SPOPL: variants seen among roughly 807,000 people sequenced by gnomAD.
The protein encoded by SPOPL is speckle-type POZ protein-like.
SPOPL carries 23 observed loss-of-function variants against 53.8 expected under a neutral mutation model. The observed-to-expected ratio is 0.43, with a 90% CI of 0.31 to 0.61. The LOEUF is 0.61. SPOPL is among the 20% of genes least tolerant of loss of function. The pLI, the probability that SPOPL is intolerant of heterozygous loss-of-function variation, is 0.12. For missense variants in SPOPL, 442 were observed against 466.9 expected (o/e 0.95, Z 0.49); for synonymous variants, 164 against 149.7 (o/e 1.10, Z -0.70).
At chr2:138,542,779 T>C (rs1279420567) in intron 1 of SPOPL, among the ~76,000 whole-genome samples, 7 of 152,244 alleles carry the variant, frequency 4.6e-5, no homozygotes, top group Non-Finnish European at 1.0e-4. Flanking sequence ...CCTGTCATTA[T>C]GATGTTAGCT....
intron 1 of SPOPL, among the ~76,000 whole-genome samples, chr2:138,521,568 T>C (rs1397896303): frequency 6.6e-6 from 1 of 152,090 alleles, no homozygotes; most frequent in Non-Finnish European, 1.5e-5. Flanking sequence ...TTTTTTTGTG[T>C]GTGTGGGAGA....
intron 1 of SPOPL, among the ~76,000 whole-genome samples, chr2:138,527,345 TC>T (rs1254173078): frequency 6.6e-6 from 1 of 152,178 alleles, no homozygotes; most frequent in African/African-American, 2.4e-5. Flanking sequence ...ACCTGTCAGA[TC>T]AATACTGGAC....
intron 1 of SPOPL, among the ~76,000 whole-genome samples, chr2:138,524,140 C>A (rs1241475388): frequency 6.6e-6 from 1 of 152,202 alleles, no homozygotes; most frequent in Non-Finnish European, 1.5e-5. Flanking sequence ...AACTTCAATT[C>A]TTGACTTCTG....
intron 10 of SPOPL, 152 bp from the exon 11 acceptor site, chr2:138,568,784 A>G (rs1276251229): frequency 1.2e-6 from 1 of 812,228 alleles, no homozygotes; most frequent in African/African-American, 1.8e-5. Flanking sequence ...CAGTAAGATA[A>G]AGATGGTATT....
chr2:138,548,244 T>A (rs1685240903), intron 1 of SPOPL, among the ~76,000 whole-genome samples: 1 of 150,516 alleles, frequency 6.6e-6, no homozygotes, highest in Non-Finnish European at 1.5e-5. Context: ...GTAAACTTTT[T>A]TTTTTTTTTT....
chr2:138,510,958 C>G (rs957830808), intron 1 of SPOPL, among the ~76,000 whole-genome samples: 1 of 151,998 alleles, frequency 6.6e-6, no homozygotes, highest in Non-Finnish European at 1.5e-5. Flanking sequence ...CAGTTTAAAC[C>G]TTTACTAACT....
chr2:138,513,820 T>C (rs1684381189), intron 1 of SPOPL, among the ~76,000 whole-genome samples: 1 of 151,888 alleles, frequency 6.6e-6, no homozygotes, highest in Non-Finnish European at 1.5e-5. Flanking sequence ...ATTTTTAATG[T>C]AAAAAAATTA....
At chr2:138,504,157 C>G (rs1684164819) in intron 1 of SPOPL, among the ~76,000 whole-genome samples, 1 of 152,182 alleles carries the variant, frequency 6.6e-6, no homozygotes, top group African/African-American at 2.4e-5. Context: ...AAAATATGTA[C>G]ATATGTAACT....
intron 5 of SPOPL, among the ~76,000 whole-genome samples, chr2:138,556,685 CTT>C (rs1358355886): frequency 6.6e-6 from 1 of 152,120 alleles, no homozygotes; most frequent in African/African-American, 2.4e-5. Flanking sequence ...TGATTAAAAA[CTT>C]GATAAGATAG....
At chr2:138,538,868 A>G (rs1684996724) in intron 1 of SPOPL, among the ~76,000 whole-genome samples, 2 of 152,016 alleles carry the variant, frequency 1.3e-5, no homozygotes, top group Non-Finnish European at 2.9e-5. Context: ...ATTTAACATT[A>G]GGAATATCTC....
At chr2:138,553,405 A>G (rs1047214207) in intron 5 of SPOPL, among the ~76,000 whole-genome samples, 17 of 152,140 alleles carry the variant, frequency 1.1e-4, no homozygotes, top group Admixed American at 7.2e-4. Context: ...TAACCTGTAC[A>G]GTTTATAGAG....
intron 1 of SPOPL, among the ~76,000 whole-genome samples, chr2:138,503,964 A>C (rs1684160974): frequency 6.6e-6 from 1 of 152,220 alleles, no homozygotes; most frequent in South Asian, 2.1e-4. Flanking sequence ...TGGTGTTTAC[A>C]GAATTTTACT....
intron 1 of SPOPL, among the ~76,000 whole-genome samples, chr2:138,522,354 G>A (rs1684577565): frequency 6.6e-6 from 1 of 152,178 alleles, no homozygotes; most frequent in Middle Eastern, 3.4e-3. Flanking sequence ...TTTTGCTTGG[G>A]GCAGAGAGCT....
Position 138,552,537 on chromosome 2 carries a change from A to AT in SPOPL, c.353-15dup. The AT allele has an allele frequency of 6.3e-7, 1 of 1,597,946 alleles. No individual in the cohort carries two copies. The highest frequency in any genetic ancestry group is 8.5e-7 in the Non-Finnish European group (1 of 1,175,118). On this transcript the variant is annotated splice_polypyrimidine_tract_variant and intron_variant, in intron 4 of 10. Coordinates refer to ENST00000280098, the MANE Select transcript of SPOPL (RefSeq NM_001001664.3). The stretch of plus-strand genomic sequence containing the variant: ...TGGATATTTATTTTATTTAAACTCT[A>AT]TTCTGTTTTCCACCAGAAAGCCAAA...
chr2:138,520,468 T>C (rs1344775144), intron 1 of SPOPL, among the ~76,000 whole-genome samples: 4 of 152,222 alleles, frequency 2.6e-5, no homozygotes, highest in Non-Finnish European at 4.4e-5. Context: ...GTTTCAGCTA[T>C]TTGTAATTTT....
rs796816511 is a variant in SPOPL at position 138,504,154 on chromosome 2, G to A, written c.-61+2035G>A. Among the ~76,000 whole-genome samples the A allele has an allele frequency of 3.9e-5, 6 of 152,274 alleles. No homozygotes were observed. In the South Asian group the frequency reaches 8.3e-4, roughly 21 times the overall value. The stretch of plus-strand genomic sequence containing the variant: ...CTGTCCTAATTACATGTAAAAATAT[G>A]TACATATGTAACTATCAAAATAAAA... On this transcript the variant is annotated intron_variant, in intron 1 of 10. Transcript: ENST00000280098.
rs1212001997 is a variant in SPOPL, at chr2:138,557,786, TTTTC to T, written c.481-1232_481-1229del. On this transcript the variant is annotated intron_variant, in intron 5 of 10. Coordinates refer to ENST00000280098, the MANE Select transcript of SPOPL (RefSeq NM_001001664.3). ...GAAACATTTACTAGTTAAAGTAGTATTTTCTTTAAGTGTATTTTTTTACATGTAT... is the reference window on the plus strand; with the variant it reads ...GAAACATTTACTAGTTAAAGTAGTATTTTAAGTGTATTTTTTTACATGTAT... Among the ~76,000 whole-genome samples, 7 of 152,344 alleles carry T rather than the reference TTTTC, an allele frequency of 4.6e-5. No homozygotes were observed. In the East Asian group the frequency reaches 9.6e-4, roughly 21 times the overall value.
Position 138,551,027 on chromosome 2 carries a change from G to C in SPOPL, c.325G>C (p.Ala109Pro), listed in dbSNP as rs764389073. 4.3e-6 allele frequency: 7 copies of C among 1,613,138 alleles called. No homozygotes were observed. Among genetic ancestry groups the C allele is most frequent in the Non-Finnish European group, 5.9e-6 (7 of 1,179,418 alleles). ...AAAATTCAAATTTTCCCTTCTGAAT[G>C]CTAAAAGGGAAGAAACAAAAGCAAT... Reference protein sequence around the residue: ...RAKFKFSLLNAKREETKAMES... With the variant: ...RAKFKFSLLNPKREETKAMES... The change falls in exon 4 of 11, where the codon GCT becomes CCT. Residue 109 changes from alanine (A) to proline (P), a missense_variant. Physicochemically the swap from Ala to Pro is conservative, Grantham distance 27. Transcript: ENST00000280098.
At chr2:138,542,275 A>G (rs1405691248) in intron 1 of SPOPL, among the ~76,000 whole-genome samples, 1 of 152,132 alleles carries the variant, frequency 6.6e-6, no homozygotes, top group Non-Finnish European at 1.5e-5. Context: ...GCTGAGTTCA[A>G]TTCCAGGATA....
Sources: allele counts gnomAD v4.1 joint callset (sites outside exome capture counted in the v4.1 genomes callset), GRCh38; gene constraint gnomAD v4.1.1; transcripts MANE v1.5; gene names NCBI Gene and HGNC (gene_info 2026-07-23, HGNC 2026-07-21).